The following IL18 variants were observed in gnomAD, a reference collection of about 807,000 sequenced individuals.
IL18 encodes interleukin 18.
IL18 carries 8 observed loss-of-function variants against 14.2 expected under a neutral mutation model. The ratio of observed to expected loss-of-function variants is 0.56; its 90% CI spans 0.33 to 1.01. IL18 has a LOEUF of 1.01. IL18 is among the 50% of genes least tolerant of loss of function. The pLI, the probability that IL18 is intolerant of heterozygous loss-of-function variation, is 0.03. For synonymous variants in IL18, 67 were observed against 71.0 expected (o/e 0.94, Z 0.28); for missense variants, 166 against 231.1 (o/e 0.72, Z 1.83).
chr11:112,161,707 G>A (rs894488788), intron 1 of IL18, among the ~76,000 whole-genome samples: 1 of 152,174 alleles, frequency 6.6e-6, no homozygotes, highest in African/African-American at 2.4e-5. Flanking sequence ...CACTGAGGCA[G>A]AATAACTGAT....
chr11:112,156,772 T>C (rs941825024), intron 1 of IL18, among the ~76,000 whole-genome samples: 1 of 151,820 alleles, frequency 6.6e-6, no homozygotes, highest in African/African-American at 2.4e-5. Context: ...TAAAAACTGA[T>C]GTACAAATGA....
At position 112,150,317 on chromosome 11, in the gene IL18, C is replaced by A. The variant is rs1036486494; in HGVS notation, c.92-111G>T. On this transcript the variant is annotated intron_variant, in intron 3 of 5. Coordinates refer to ENST00000280357, the MANE Select transcript of IL18 (RefSeq NM_001562.4). ...AAACTATTAATGACAATCTTCTGTT[C>A]CAGAAGTAGCTACAATAAAGTTGCC... is the stretch of plus-strand genomic sequence containing the variant. The A allele has an allele frequency of 4.3e-6, 3 of 692,898 alleles. No individual in the cohort carries two copies. The African/African-American group carries it at 5.4e-5, about 13-fold the overall frequency. 42.9% of individuals were successfully genotyped at this position (692,898 alleles called of 1,614,324 possible).
chr11:112,161,749 G>A (rs1866636238), intron 1 of IL18, among the ~76,000 whole-genome samples: 1 of 152,174 alleles, frequency 6.6e-6, no homozygotes, highest in Admixed American at 6.5e-5. Flanking sequence ...GCAGTGAGCC[G>A]AGTTCGTGCC....
Position 112,148,680 on chromosome 11 carries a change from C to G in IL18, c.283G>C (p.Gly95Arg). 6.7e-7 allele frequency: 1 copy of G among 1,503,466 alleles called. No homozygotes were observed. The highest frequency in any genetic ancestry group is 9.0e-7 in the Non-Finnish European group (1 of 1,114,884). 93.1% of individuals were successfully genotyped at this position (1,503,466 alleles called of 1,614,324 possible). Reference sequence around the variant, plus strand: ...TTCACAGAGATAGTTACAGCCATACCTCTAGGCTGGCTATCTTTATACATA... The same window carrying G: ...TTCACAGAGATAGTTACAGCCATACGTCTAGGCTGGCTATCTTTATACATA... ...ISMYKDSQPR[G>R]MAVTISVKCE... Residue 95 changes from glycine to arginine, a missense_variant, in exon 5 of 6, where the codon GGT (glycine) becomes CGT (arginine). Transcript: ENST00000280357.
rs199696510 is a variant in IL18 at position 112,148,748 on chromosome 11, A to G, written c.227-12T>C. The stretch of plus-strand genomic sequence containing the variant: ...CCGGGGTGCATTATCTGAAATAAAT[A>G]TAATAAATGAGAACTCTAGTTAGAA... On this transcript the variant is annotated splice_polypyrimidine_tract_variant and intron_variant, in intron 4 of 5. Transcript: ENST00000280357. 1 of 1,371,780 alleles carries G rather than the reference A, an allele frequency of 7.3e-7. No homozygotes were observed. Among genetic ancestry groups the G allele is most frequent in the Non-Finnish European group, 9.6e-7 (1 of 1,042,842 alleles). 85.0% of individuals were successfully genotyped at this position (1,371,780 alleles called of 1,614,324 possible).
At chr11:112,151,664 T>G (rs1185732757) in intron 3 of IL18, among the ~76,000 whole-genome samples, 1 of 152,214 alleles carries the variant, frequency 6.6e-6, no homozygotes, top group Non-Finnish European at 1.5e-5. Flanking sequence ...CATTGCAATC[T>G]GCCTCTGCCT....
intron 1 of IL18, among the ~76,000 whole-genome samples, chr11:112,158,899 T>A (rs1168555534): frequency 6.6e-6 from 1 of 152,090 alleles, no homozygotes; most frequent in Non-Finnish European, 1.5e-5. Flanking sequence ...TATACTTTGA[T>A]GAAAGCTTGG....
chr11:112,163,545 TA>T (rs1866669816), intron 1 of IL18, among the ~76,000 whole-genome samples: 1 of 152,152 alleles, frequency 6.6e-6, no homozygotes, highest in Non-Finnish European at 1.5e-5. Context: ...TGGCTTCTAT[TA>T]AACCAGTTAA....
chr11:112,155,177 T>C, intron 1 of IL18, 116 bp from the exon 2 acceptor site: 3 of 560,562 alleles, frequency 5.4e-6, no homozygotes, highest in South Asian at 2.8e-5. Context: ...ATGAACAATC[T>C]TGACATTCAA....
At chr11:112,149,837 G>A (rs1866408163) in intron 4 of IL18, among the ~76,000 whole-genome samples, 1 of 152,012 alleles carries the variant, frequency 6.6e-6, no homozygotes, top group Admixed American at 6.6e-5. Context: ...TAAAGGGATT[G>A]GTGATTCAAA....
intron 5 of IL18, among the ~76,000 whole-genome samples, chr11:112,146,036 T>TA: frequency 7.2e-6 from 1 of 139,558 alleles, no homozygotes; most frequent in East Asian, 2.0e-4. Context: ...TTTCTTTCTT[T>TA]TTTTTTTTTT....
chr11:112,153,682 T>C, intron 2 of IL18, 79 bp from the exon 3 acceptor site: 3 of 950,512 alleles, frequency 3.2e-6, no homozygotes, highest in Non-Finnish European at 4.8e-6. Context: ...TTCTAGCTTT[T>C]ACTTTTGCTA....
At chr11:112,152,464 GA>G (rs2135316156) in intron 3 of IL18, among the ~76,000 whole-genome samples, 1 of 152,196 alleles carries the variant, frequency 6.6e-6, no homozygotes, top group African/African-American at 2.4e-5. Flanking sequence ...AAGCCAGAAT[GA>G]TATTTTAAAA....
At chr11:112,153,534 G>A in intron 3 of IL18, 58 bp downstream of exon 3, 4 of 1,217,048 alleles carry the variant, frequency 3.3e-6, no homozygotes, top group Non-Finnish European at 4.6e-6. Context: ...TGGTGAGATA[G>A]ATGTGTCTCA....
At chr11:112,152,940 C>G (rs1317767151) in intron 3 of IL18, 1 of 152,348 alleles carries the variant, frequency 6.6e-6, no homozygotes, top group East Asian at 1.9e-4. Context: ...ACCCTATTAT[C>G]TCCAAGATAA....
chr11:112,162,954 T>A (rs1866659696), intron 1 of IL18, among the ~76,000 whole-genome samples: 1 of 152,198 alleles, frequency 6.6e-6, no homozygotes, highest in African/African-American at 2.4e-5. Context: ...GGTAATTTTT[T>A]ATTTTTTTGT....
In IL18 at chr11:112,145,791, G is replaced by A. The variant is rs5744280; in HGVS notation, c.361-1974C>T. On this transcript the variant is annotated intron_variant, in intron 5 of 5. Transcript: ENST00000280357. Reference sequence around the variant, plus strand: ...AAAAAAGAAAGTTACAGTTGAAAGCGAGAGTGTGGATAGGTAGAACAGGCA... The same window carrying A: ...AAAAAAGAAAGTTACAGTTGAAAGCAAGAGTGTGGATAGGTAGAACAGGCA... 0.35 allele frequency among the ~76,000 whole-genome samples: 53,027 copies of A among 151,896 alleles called. 9,427 individuals carry two copies. The highest frequency in any genetic ancestry group is 0.57 in the South Asian group (2,745 of 4,824).
intron 3 of IL18, among the ~76,000 whole-genome samples, chr11:112,152,841 T>C (rs1401636306): frequency 6.6e-6 from 1 of 152,208 alleles, no homozygotes; most frequent in Non-Finnish European, 1.5e-5. Flanking sequence ...AGAGAAAAAT[T>C]CTCTATCTTA....
intron 4 of IL18, 31 bp downstream of exon 4, chr11:112,150,041 C>T (rs2135313394): frequency 6.4e-7 from 1 of 1,571,754 alleles, no homozygotes; most frequent in Non-Finnish European, 8.6e-7. Context: ...AGTAGCTAGT[C>T]ATTTCTATGT....
Sources: allele counts gnomAD v4.1 joint callset (sites outside exome capture counted in the v4.1 genomes callset), GRCh38; gene constraint gnomAD v4.1.1; transcripts MANE v1.5; gene names NCBI Gene and HGNC (gene_info 2026-07-23, HGNC 2026-07-21).